Variants in KIF26B observed in about 807,000 individuals in gnomAD.
The protein encoded by KIF26B is kinesin-like protein KIF26B.
KIF26B carries 63 observed loss-of-function variants against 151.2 expected under a neutral mutation model. The ratio of observed to expected loss-of-function variants is 0.42; its 90% CI spans 0.34 to 0.51. KIF26B has a LOEUF of 0.51. KIF26B is among the 20% of genes least tolerant of loss of function. The probability of loss-of-function intolerance (pLI) is 0.07; values close to 1 mark genes in which losing one functional copy is unlikely to be tolerated. For missense variants in KIF26B, 2,813 were observed against 2,913.6 expected (o/e 0.97, Z 0.79); for synonymous variants, 1,357 against 1,262.1 (o/e 1.08, Z -1.59).
chr1:245,209,416 G>T lies in KIF26B; in HGVS notation c.465+52733G>T, dbSNP rs552557103. 5.1e-4 allele frequency among the ~76,000 whole-genome samples: 76 copies of T among 148,962 alleles called. No individual in the cohort carries two copies. In the South Asian group the frequency reaches 6.2e-3, roughly 12 times the overall value. The stretch of plus-strand genomic sequence containing the variant: ...ACTACATCTAAAAAAAATAAAACAA[G>T]AAAAAAAATAAAAAAAGAAAACATT... On this transcript the variant is annotated intron_variant, in intron 2 of 14. Coordinates refer to ENST00000407071, the MANE Select transcript of KIF26B (RefSeq NM_018012.4).
Position 245,706,354 on chromosome 1 carries a change from T to A in KIF26B, c.*3748T>A, listed in dbSNP as rs2044840881. On this transcript the variant is annotated 3_prime_UTR_variant, in exon 15 of 15. Transcript: ENST00000407071. The stretch of plus-strand genomic sequence containing the variant: ...TGTCCTTGTAAACCAGCCACCTTCT[T>A]TGGATAGAAGGCAAGGCTGACAAAT... 1 of 152,182 alleles carries A rather than the reference T, an allele frequency of 6.6e-6. No homozygotes were observed. Among genetic ancestry groups the A allele is most frequent in the South Asian group, 2.1e-4 (1 of 4,830 alleles). 9.4% of individuals were successfully genotyped at this position (152,182 alleles called of 1,614,324 possible). A position where few individuals can be genotyped will look rare whatever the true frequency, so the allele number is the denominator to read the frequency against.
intron 10 of KIF26B, among the ~76,000 whole-genome samples, chr1:245,673,399 C>G (rs1045823841): frequency 6.9e-6 from 1 of 145,724 alleles, no homozygotes; most frequent in Non-Finnish European, 1.5e-5. Context: ...ATCTTAGGCC[C>G]AGTCCCCGCT....
At chr1:245,562,431 G>A (rs567230026) in intron 5 of KIF26B, among the ~76,000 whole-genome samples, 3 of 152,212 alleles carry the variant, frequency 2.0e-5, no homozygotes, top group African/African-American at 7.2e-5. Flanking sequence ...CCGTGGTGAC[G>A]GCACATCCTC....
At chr1:245,444,008 T>C (rs1369228872) in intron 4 of KIF26B, among the ~76,000 whole-genome samples, 1 of 133,552 alleles carries the variant, frequency 7.5e-6, no homozygotes, top group African/African-American at 3.0e-5. Context: ...CCTAGAGCGG[T>C]CATCTCCCTC....
chr1:245,198,736 A>G (rs1340212749), intron 2 of KIF26B, among the ~76,000 whole-genome samples: 4 of 151,832 alleles, frequency 2.6e-5, no homozygotes, highest in Non-Finnish European at 2.9e-5. Flanking sequence ...CAAAAAAAAA[A>G]AAAAATTGTG....
At chr1:245,264,996 G>C (rs1670716538) in intron 2 of KIF26B, among the ~76,000 whole-genome samples, 1 of 151,346 alleles carries the variant, frequency 6.6e-6, no homozygotes, top group African/African-American at 2.4e-5. Context: ...TCAGGAGATC[G>C]AGACCATCCT....
rs2044503237 is a variant in KIF26B at position 245,685,688 on chromosome 1, A to G, written c.2705A>G (p.Asp902Gly). 6.2e-7 allele frequency: 1 copy of G among 1,612,818 alleles called. No homozygotes were observed. The highest frequency in any genetic ancestry group is 1.7e-5 in the Admixed American group (1 of 59,976). ...CCAGCCCTGCAGAAGACCCGGGGCG[A>G]CAGCCGGCCCGCAGAGGCAGGAGAG... Reference protein sequence around the residue: ...IVPALQKTRGDSRPAEAGEAA... With the variant: ...IVPALQKTRGGSRPAEAGEAA... Residue 902 changes from aspartate (D) to glycine (G), a missense_variant, in exon 12 of 15, where the codon GAC becomes GGC. Asp to Gly is a moderately conservative substitution (Grantham distance 94). Transcript: ENST00000407071.
rs1476950847 is a variant in KIF26B, at chr1:245,708,086, A to C, written c.*5480A>C. The C allele has an allele frequency of 6.6e-6, 1 of 152,214 alleles. No homozygotes were observed. The highest frequency in any genetic ancestry group is 1.5e-5 in the Non-Finnish European group (1 of 68,042). The allele number at this position is 152,214 out of a possible 1,614,324, so 9.4% of individuals were successfully genotyped here. On this transcript the variant is annotated 3_prime_UTR_variant, in exon 15 of 15. Coordinates refer to ENST00000407071, the MANE Select transcript of KIF26B (RefSeq NM_018012.4). ...GGGTCCCGAGAGGCAGGGAGGGGCTAGGCCTTGAGCTAGGAGCAAGGACAT... is the reference window on the plus strand; with the variant it reads ...GGGTCCCGAGAGGCAGGGAGGGGCTCGGCCTTGAGCTAGGAGCAAGGACAT...
chr1:245,196,942 A>G (rs750383351), intron 2 of KIF26B, among the ~76,000 whole-genome samples: 2 of 152,200 alleles, frequency 1.3e-5, no homozygotes, highest in African/African-American at 2.4e-5. Context: ...TAAGAGGAAC[A>G]AAATATAGCT....
intron 14 of KIF26B, 144 bp downstream of exon 14, chr1:245,699,181 G>C (rs143647769): frequency 1.8e-5 from 15 of 849,718 alleles, no homozygotes; most frequent in Admixed American, 2.6e-5. Flanking sequence ...AAGTTGCACC[G>C]AGCGAGCAGC....
At chr1:245,589,553 G>A (rs1232024254) in intron 5 of KIF26B, among the ~76,000 whole-genome samples, 1 of 152,166 alleles carries the variant, frequency 6.6e-6, no homozygotes, top group Non-Finnish European at 1.5e-5. Flanking sequence ...AGCCAGCACA[G>A]ACCGTTTTCC....
intron 2 of KIF26B, among the ~76,000 whole-genome samples, chr1:245,301,357 A>G (rs1671426467): frequency 6.6e-6 from 1 of 152,162 alleles, no homozygotes; most frequent in African/African-American, 2.4e-5. Flanking sequence ...TCCAACTTTC[A>G]TTTCCTATTG....
intron 2 of KIF26B, among the ~76,000 whole-genome samples, chr1:245,242,239 C>A (rs547194791): frequency 8.5e-5 from 13 of 152,314 alleles, no homozygotes; most frequent in South Asian, 4.1e-4. Context: ...CCTTCCCCCC[C>A]CAAAATAGGG....
rs1410130379 is a variant in KIF26B, at chr1:245,479,667, G to C, written c.1166+59922G>C. ...GACAGTCAAGGATGATAGAAAGTCA[G>C]AGGATGATAGAAAACAATCCTTTCT... On this transcript the variant is annotated intron_variant, in intron 4 of 14. Transcript: ENST00000407071. 2.6e-5 allele frequency among the ~76,000 whole-genome samples: 4 copies of C among 151,866 alleles called. 1 individual carries two copies. Among genetic ancestry groups the C allele is most frequent in the African/African-American group, 9.7e-5 (4 of 41,420 alleles).
At chr1:245,197,671 T>A (rs1057458696) in intron 2 of KIF26B, among the ~76,000 whole-genome samples, 1 of 152,130 alleles carries the variant, frequency 6.6e-6, no homozygotes. Context: ...TACATGCTGA[T>A]TATAAAGAAT....
chr1:245,358,629 T>G lies in KIF26B; in HGVS notation c.466-8205T>G, dbSNP rs1036030802. Among the ~76,000 whole-genome samples, 2 of 152,266 alleles carry G rather than the reference T, an allele frequency of 1.3e-5. No individual in the cohort carries two copies. Among genetic ancestry groups the G allele is most frequent in the African/African-American group, 4.8e-5 (2 of 41,482 alleles). On this transcript the variant is annotated intron_variant, in intron 2 of 14. Transcript: ENST00000407071. This position sits in a 1 kb window ranked among gnomAD's most constrained non-coding sequence, Gnocchi z 4.1. ...ATTAAGCAATTTTATAATTAGATAA[T>G]TAACAGAATCCTTGATAGCCTTATA...
At chr1:245,204,316 C>T (rs1389542796) in intron 2 of KIF26B, among the ~76,000 whole-genome samples, 3 of 152,102 alleles carry the variant, frequency 2.0e-5, no homozygotes, top group African/African-American at 7.2e-5. Context: ...TTTGGAGCAT[C>T]ACTCCAAACT....
At chr1:245,313,986 CT>C (rs1225218481) in intron 2 of KIF26B, among the ~76,000 whole-genome samples, 1 of 152,168 alleles carries the variant, frequency 6.6e-6, no homozygotes. Flanking sequence ...TCTCTTCCCC[CT>C]CTCGCTCTCC....
At chr1:245,356,105 AG>A (rs1456312351) in intron 2 of KIF26B, among the ~76,000 whole-genome samples, 1 of 152,142 alleles carries the variant, frequency 6.6e-6, no homozygotes, top group Non-Finnish European at 1.5e-5. Flanking sequence ...GACTCTGCGC[AG>A]GGGGCGTGGT....
Sources: allele counts gnomAD v4.1 joint callset (sites outside exome capture counted in the v4.1 genomes callset), GRCh38; gene constraint gnomAD v4.1.1; non-coding constraint Gnocchi (gnomAD v3.1); transcripts MANE v1.5; gene names NCBI Gene and HGNC (gene_info 2026-07-23, HGNC 2026-07-21).